Variants in GRID2 observed in about 807,000 individuals in gnomAD.
GRID2 encodes the protein glutamate receptor ionotropic, delta-2.
Under a neutral mutation model 114.8 loss-of-function variants are expected in GRID2, and 33 were observed. The observed-to-expected ratio is 0.29, with a 90% confidence interval of 0.22 to 0.38. The LOEUF (loss-of-function observed/expected upper bound fraction) is 0.38, where lower values mean the gene tolerates loss of function less well. Among genes scored for constraint, GRID2 ranks in the 10% least tolerant of loss-of-function variants. GRID2 has a pLI of 1.00. For missense variants in GRID2, 1,184 were observed against 1,257.7 expected, an observed-to-expected ratio of 0.94 and a Z score of 0.89; for synonymous variants, 505 against 449.9, an observed-to-expected ratio of 1.12 and a Z score of -1.55.
intron 8 of GRID2, among the ~76,000 whole-genome samples, chr4:93,332,571 T>C (rs763038081): frequency 2.9e-4 from 44 of 152,244 alleles, no homozygotes; most frequent in Non-Finnish European, 4.9e-4. Flanking sequence ...GTATTCCCTG[T>C]AGTATCTACA....
intron 2 of GRID2, among the ~76,000 whole-genome samples, chr4:92,755,863 CTG>C (rs1369892422): frequency 1.3e-5 from 2 of 152,144 alleles, no homozygotes; most frequent in Admixed American, 1.3e-4. Context: ...TTGTTCATAT[CTG>C]TGGGATACAT....
chr4:92,997,631 G>A (rs920840483), intron 2 of GRID2, among the ~76,000 whole-genome samples: 3 of 152,126 alleles, frequency 2.0e-5, no homozygotes, highest in African/African-American at 7.2e-5. Flanking sequence ...CAGTGGTCTG[G>A]CCTCACAGCA....
intron 12 of GRID2, among the ~76,000 whole-genome samples, chr4:93,507,025 T>C (rs1003763904): frequency 6.6e-6 from 1 of 152,224 alleles, no homozygotes; most frequent in Non-Finnish European, 1.5e-5. Flanking sequence ...GAACCCTATG[T>C]CTTCCATTAA....
intron 2 of GRID2, among the ~76,000 whole-genome samples, chr4:92,684,086 G>A (rs897986556): frequency 1.3e-5 from 2 of 151,910 alleles, no homozygotes; most frequent in East Asian, 3.8e-4. Context: ...TAGAAAATTT[G>A]ATGTACTAGC....
Position 92,590,273 on chromosome 4 carries a change from A to C in GRID2, c.231A>C (p.Gln77His). The change falls in exon 2 of 16, where the codon CAA (glutamine) becomes CAC (histidine). Residue 77 changes from glutamine (Q) to histidine (H), a missense_variant. Physicochemically the swap from Gln to His is conservative, Grantham distance 24 (BLOSUM62 0). Coordinates refer to ENST00000282020, the MANE Select transcript of GRID2 (RefSeq NM_001510.4). ...VTFVDGNNPFQAVQEACELMN... is the reference protein window; with the variant it reads ...VTFVDGNNPFHAVQEACELMN... ...TTGTTGATGGCAACAACCCTTTCCA[A>C]GCAGTTCAAGAAGGTAAGGTCATCA... is the stretch of plus-strand genomic sequence containing the variant. 1 of 1,613,064 alleles carries C rather than the reference A, an allele frequency of 6.2e-7. No individual in the cohort carries two copies. The highest frequency in any genetic ancestry group is 8.5e-7 in the Non-Finnish European group (1 of 1,179,286).
intron 2 of GRID2, among the ~76,000 whole-genome samples, chr4:92,648,543 G>A (rs750972778): frequency 8.0e-5 from 12 of 149,388 alleles, no homozygotes; most frequent in East Asian, 1.9e-4. Context: ...AGAAACAGCC[G>A]TTTCTCCCTT....
In GRID2 at chr4:93,216,907, T is replaced by C. The variant is rs370367152; in HGVS notation, c.959T>C (p.Met320Thr). Residue 320 changes from methionine to threonine, a missense_variant, in exon 6 of 16, where the codon ATG (methionine) becomes ACG (threonine). Transcript: ENST00000282020. ...CCAAAGGATCCATTTGCTCAGAATA[T>C]GGAGGTATATTATAAATGACAGGAT... ...CDPKDPFAQN[M>T]EISNLYIYDT... 14 of 1,605,138 alleles carry C rather than the reference T, an allele frequency of 8.7e-6. No homozygotes were observed. Among genetic ancestry groups the C allele is most frequent in the African/African-American group, 1.3e-5 (1 of 74,702 alleles).
chr4:92,591,851 A>G (rs1728718831), intron 2 of GRID2, among the ~76,000 whole-genome samples: 1 of 152,124 alleles, frequency 6.6e-6, no homozygotes, highest in African/African-American at 2.4e-5. Flanking sequence ...AAAGAATAGG[A>G]TAATAATGTT....
At chr4:92,524,072 A>C (rs76697838) in intron 1 of GRID2, among the ~76,000 whole-genome samples, 2 of 152,146 alleles carry the variant, frequency 1.3e-5, no homozygotes, top group African/African-American at 4.8e-5. Flanking sequence ...TATAGGGGTT[A>C]AGAGGAAGAA....
intron 14 of GRID2, among the ~76,000 whole-genome samples, chr4:93,704,552 T>C (rs539532778): frequency 6.6e-6 from 1 of 152,320 alleles, no homozygotes; most frequent in South Asian, 2.1e-4. Context: ...TTTGGTGTTT[T>C]ATCTTTCTAA....
intron 2 of GRID2, among the ~76,000 whole-genome samples, chr4:92,973,874 A>G (rs1396811584): frequency 6.6e-6 from 1 of 152,180 alleles, no homozygotes; most frequent in Non-Finnish European, 1.5e-5. Flanking sequence ...TCTGCACAGC[A>G]AAAGAAACTA....
rs78585444 is a variant in GRID2 at position 92,637,563 on chromosome 4, A to C, written c.244+47277A>C. 8.1e-3 allele frequency among the ~76,000 whole-genome samples: 1,231 copies of C among 152,196 alleles called. 20 individuals carry two copies. Among genetic ancestry groups the C allele is most frequent in the African/African-American group, 0.029 (1,186 of 41,558 alleles). ...TGAGATATAAGTTTAAAGGAATGTG[A>C]ATTTCTAATAAGACTAATTCAGTTG... is the stretch of plus-strand genomic sequence containing the variant. On this transcript the variant is annotated intron_variant, in intron 2 of 15. Coordinates refer to ENST00000282020, the MANE Select transcript of GRID2 (RefSeq NM_001510.4).
intron 2 of GRID2, among the ~76,000 whole-genome samples, chr4:92,897,239 G>GT (rs11407081): frequency 0.66 from 99,591 of 151,884 alleles, 35,160 homozygotes; most frequent in African/African-American, 0.92. Flanking sequence ...TGCCTTCTCT[G>GT]TTTTCCCCAA....
chr4:92,908,605 T>G (rs1259417815), intron 2 of GRID2, among the ~76,000 whole-genome samples: 3 of 141,680 alleles, frequency 2.1e-5, no homozygotes, highest in Non-Finnish European at 4.6e-5. Flanking sequence ...ACAAAAAATA[T>G]GAAAAAAAAG....
At chr4:93,088,051 ATGTATTT>A (rs1730474367) in intron 3 of GRID2, among the ~76,000 whole-genome samples, 2 of 152,164 alleles carry the variant, frequency 1.3e-5, no homozygotes, top group Non-Finnish European at 1.5e-5. Context: ...GTTATTGAAA[ATGTATTT>A]TGTATAGAAA....
intron 4 of GRID2, among the ~76,000 whole-genome samples, chr4:93,137,617 T>C (rs1735382009): frequency 6.6e-6 from 1 of 152,150 alleles, no homozygotes; most frequent in Admixed American, 6.5e-5. Flanking sequence ...TGGTTTGAGA[T>C]GGCAATAGGA....
intron 1 of GRID2, among the ~76,000 whole-genome samples, chr4:92,343,810 G>T (rs1258304053): frequency 1.3e-5 from 2 of 152,204 alleles, no homozygotes; most frequent in Non-Finnish European, 2.9e-5. Context: ...CTGACCTTGG[G>T]TGATCCACCA....
intron 2 of GRID2, among the ~76,000 whole-genome samples, chr4:92,883,506 A>G (rs1746158556): frequency 6.6e-6 from 1 of 152,130 alleles, no homozygotes; most frequent in Admixed American, 6.5e-5. Context: ...AAGGTTTTCA[A>G]TTTATTTTCC....
chr4:93,603,084 C>A (rs540559437), intron 13 of GRID2, among the ~76,000 whole-genome samples: 1 of 152,210 alleles, frequency 6.6e-6, no homozygotes, highest in South Asian at 2.1e-4. Context: ...GTGGCAGGCG[C>A]CTGTAATCTC....
Sources: allele counts gnomAD v4.1 joint callset (sites outside exome capture counted in the v4.1 genomes callset), GRCh38; gene constraint gnomAD v4.1.1; transcripts MANE v1.5; gene names NCBI Gene and HGNC (gene_info 2026-07-23, HGNC 2026-07-21).